PTPRQ: variants seen among roughly 807,000 people sequenced by gnomAD.
PTPRQ encodes the protein protein tyrosine phosphatase receptor type Q.
Under a neutral mutation model 246.0 loss-of-function variants are expected in PTPRQ, and 199 were observed. The ratio of observed to expected loss-of-function variants is 0.81; its 90% CI spans 0.72 to 0.91. The LOEUF (loss-of-function observed/expected upper bound fraction) is 0.91, where lower values mean the gene tolerates loss of function less well. PTPRQ is among the 40% of genes least tolerant of loss of function. PTPRQ has a pLI of 0.00. For missense variants in PTPRQ, 2,624 were observed against 2,528.4 expected (o/e 1.04, Z -0.81); for synonymous variants, 869 against 853.2 (o/e 1.02, Z -0.32).
intron 8 of PTPRQ, 70 bp from the exon 9 acceptor site, chr12:80,484,363 G>C (rs1894197810): frequency 2.7e-6 from 4 of 1,466,160 alleles, no homozygotes; most frequent in Non-Finnish European, 3.6e-6. Flanking sequence ...TAAGAATTTA[G>C]GCACTTTTTT....
At chr12:80,535,664 C>G (rs2120812161) in intron 19 of PTPRQ, among the ~76,000 whole-genome samples, 1 of 152,182 alleles carries the variant, frequency 6.6e-6, no homozygotes, top group East Asian at 1.9e-4. Context: ...ATGAAAATAG[C>G]TAACATGCAT....
At chr12:80,460,934 T>C in intron 6 of PTPRQ, 32 bp downstream of exon 6, 1 of 399,904 alleles carries the variant, frequency 2.5e-6, no homozygotes, top group Non-Finnish European at 4.4e-6. Context: ...TAAAAAGATT[T>C]AAATGATTAG....
chr12:80,471,679 G>A (rs950277575), intron 7 of PTPRQ, among the ~76,000 whole-genome samples: 15 of 148,592 alleles, frequency 1.0e-4, no homozygotes, highest in African/African-American at 3.7e-4. Flanking sequence ...GGGTTTCACC[G>A]TTTTAGCCGG....
At chr12:80,496,172 T>A in intron 13 of PTPRQ, 66 bp downstream of exon 13, 2 of 1,543,460 alleles carry the variant, frequency 1.3e-6, no homozygotes, top group Non-Finnish European at 1.7e-6. Context: ...CTGCCTTCAC[T>A]TCATGCTACC....
chr12:80,648,896 GGT>G lies in PTPRQ; in HGVS notation c.5916_5917del (p.Leu1973ThrfsTer2). 6.5e-7 allele frequency: 1 copy of G among 1,528,764 alleles called. No individual in the cohort carries two copies. The highest frequency in any genetic ancestry group is 8.8e-7 in the Non-Finnish European group (1 of 1,137,524). 94.7% of individuals were successfully genotyped at this position (1,528,764 alleles called of 1,614,324 possible). Reference sequence around the variant, plus strand: ...TGCATTTAACACAATCTCTATTGCAGGTTACTTAGTTATAGAAAATCCATCAA... The same window carrying G: ...TGCATTTAACACAATCTCTATTGCAGTACTTAGTTATAGAAAATCCATCAA... On this transcript the variant is annotated frameshift_variant and splice_region_variant, in exon 36 of 45. Transcript: ENST00000644991. LOFTEE classifies it high-confidence loss of function.
intron 28 of PTPRQ, among the ~76,000 whole-genome samples, chr12:80,611,035 T>C (rs935343226): frequency 3.3e-5 from 5 of 150,416 alleles, no homozygotes; most frequent in Non-Finnish European, 6.0e-5. Context: ...TAATACTCTG[T>C]GAGTATTAAA....
chr12:80,549,413 T>A (rs894275679), intron 24 of PTPRQ, 52 bp from the exon 25 acceptor site: 2 of 1,461,226 alleles, frequency 1.4e-6, no homozygotes, highest in Non-Finnish European at 9.1e-7. Flanking sequence ...CAATCAATTA[T>A]CTACTTACAT....
chr12:80,560,834 T>C (rs1317808128), intron 25 of PTPRQ, among the ~76,000 whole-genome samples: 6 of 152,190 alleles, frequency 3.9e-5, no homozygotes, highest in Admixed American at 2.0e-4. Flanking sequence ...GAAAAATATG[T>C]TGTGATAACC....
At chr12:80,670,573 G>A in intron 42 of PTPRQ, 81 bp downstream of exon 42, 1 of 1,395,450 alleles carries the variant, frequency 7.2e-7, no homozygotes, top group South Asian at 1.8e-5. Context: ...TTTATAAAAT[G>A]TTCATGTAAA....
At chr12:80,473,093 G>A (rs1030610884) in intron 8 of PTPRQ, among the ~76,000 whole-genome samples, 2 of 150,334 alleles carry the variant, frequency 1.3e-5, no homozygotes, top group African/African-American at 2.5e-5. Flanking sequence ...TACATTCATC[G>A]TTCAAGCGTT....
In PTPRQ at chr12:80,546,620, T is replaced by C; in HGVS notation, c.3938T>C (p.Ile1313Thr). The change falls in exon 24 of 45, where the codon ATC (isoleucine) becomes ACC (threonine). Residue 1313 changes from isoleucine (I) to threonine (T), a missense_variant. Coordinates refer to ENST00000644991, the MANE Select transcript of PTPRQ (RefSeq NM_001145026.2). ...VGLEPVSTYSIRVSAFTKVGN... is the reference protein window; with the variant it reads ...VGLEPVSTYSTRVSAFTKVGN... ...CTGGAACCAGTCAGCACCTACTCTA[T>C]CCGTGTATCTGCGTTCACCAAAGTT... 1.3e-6 allele frequency: 2 copies of C among 1,551,382 alleles called. No homozygotes were observed. Among genetic ancestry groups the C allele is most frequent in the Non-Finnish European group, 1.7e-6 (2 of 1,146,856 alleles).
At chr12:80,459,186 T>C (rs1374966863) in intron 4 of PTPRQ, 98 bp from the exon 5 acceptor site, 3 of 396,464 alleles carry the variant, frequency 7.6e-6, no homozygotes, top group Non-Finnish European at 8.9e-6. Context: ...TTTTATGCAG[T>C]GTATTATATA....
At chr12:80,625,243 T>A (rs893664632) in intron 33 of PTPRQ, among the ~76,000 whole-genome samples, 1 of 152,114 alleles carries the variant, frequency 6.6e-6, no homozygotes, top group Admixed American at 6.6e-5. Flanking sequence ...CTCAAATATG[T>A]CATGTGTTGG....
At chr12:80,667,139 C>G (rs1490487228) in intron 39 of PTPRQ, among the ~76,000 whole-genome samples, 1 of 151,998 alleles carries the variant, frequency 6.6e-6, no homozygotes, top group Non-Finnish European at 1.5e-5. Flanking sequence ...TCTTCCCCCT[C>G]ATTTACTCTA....
chr12:80,641,521 A>G (rs188593289), intron 35 of PTPRQ, among the ~76,000 whole-genome samples: 4 of 152,372 alleles, frequency 2.6e-5, no homozygotes, highest in Admixed American at 2.6e-4. Context: ...AATCACATTT[A>G]GCATTTGGGA....
At chr12:80,546,019 T>C (rs2120856081) in intron 23 of PTPRQ, among the ~76,000 whole-genome samples, 1 of 152,136 alleles carries the variant, frequency 6.6e-6, no homozygotes, top group Middle Eastern at 3.4e-3. Context: ...CTCTAGTTTT[T>C]TAAAAAGGCA....
chr12:80,520,799 T>C (rs1004445121), intron 17 of PTPRQ, among the ~76,000 whole-genome samples: 31 of 152,120 alleles, frequency 2.0e-4, no homozygotes, highest in African/African-American at 5.8e-4. Context: ...TTTGTTATTG[T>C]GAATAGTGCC....
At chr12:80,587,919 C>T (rs1364290943) in intron 25 of PTPRQ, among the ~76,000 whole-genome samples, 2 of 152,086 alleles carry the variant, frequency 1.3e-5, no homozygotes, top group Admixed American at 6.5e-5. Context: ...TAATAAATTA[C>T]AATTATTTTG....
At chr12:80,481,046 C>A (rs1894029938) in intron 8 of PTPRQ, among the ~76,000 whole-genome samples, 1 of 152,056 alleles carries the variant, frequency 6.6e-6, no homozygotes, top group African/African-American at 2.4e-5. Flanking sequence ...CATTCTGATA[C>A]CAAAGCCAGG....
Sources: gnomAD v4.1 joint callset for allele counts (sites outside exome capture counted in the v4.1 genomes callset) on GRCh38, gnomAD v4.1.1 for gene constraint, MANE v1.5 for transcripts, NCBI Gene and HGNC (gene_info 2026-07-23, HGNC 2026-07-21) for gene names.